The following MECOM variants were observed in gnomAD, a reference collection of about 807,000 sequenced individuals.
MECOM encodes MDS1 and EVI1 complex locus.
In MECOM, 13 loss-of-function variants were observed where a neutral mutation model predicts 116.3. The ratio of observed to expected loss-of-function variants is 0.11; its 90% confidence interval spans 0.07 to 0.18. MECOM has a LOEUF of 0.18. Among genes scored for constraint, MECOM ranks in the 10% least tolerant of loss-of-function variants. MECOM has a pLI of 1.00. For synonymous variants in MECOM, 528 were observed against 535.2 expected (o/e 0.99, Z 0.19); for missense variants, 1,299 against 1,509.0 (o/e 0.86, Z 2.31).
intron 1 of MECOM, among the ~76,000 whole-genome samples, chr3:169,660,342 A>G (rs1776120805): frequency 6.6e-6 from 1 of 152,118 alleles, no homozygotes; most frequent in Non-Finnish European, 1.5e-5. Flanking sequence ...TAACCTTCCC[A>G]AATGATTTAC....
intron 2 of MECOM, among the ~76,000 whole-genome samples, chr3:169,275,073 A>G (rs868804003): frequency 7.9e-5 from 12 of 152,330 alleles, no homozygotes; most frequent in African/African-American, 1.4e-4. Flanking sequence ...TTTCTAGCAG[A>G]GTTCTCATTG....
chr3:169,263,070 C>A, intron 2 of MECOM, among the ~76,000 whole-genome samples: 1 of 77,302 alleles, frequency 1.3e-5, no homozygotes, highest in African/African-American at 4.7e-5. Flanking sequence ...GCCTTTTTTT[C>A]AAGATGCTAT....
At chr3:169,403,193 G>A (rs1467520861) in intron 1 of MECOM, among the ~76,000 whole-genome samples, 2 of 152,144 alleles carry the variant, frequency 1.3e-5, no homozygotes, top group East Asian at 3.9e-4. Flanking sequence ...TGGCTCCCCA[G>A]CCCACAGGTC....
intron 1 of MECOM, among the ~76,000 whole-genome samples, chr3:169,549,626 G>A (rs550943153): frequency 6.6e-6 from 1 of 152,284 alleles, no homozygotes; most frequent in South Asian, 2.1e-4. Flanking sequence ...CTGTGTCCTC[G>A]ATTCTTCATC....
At chr3:169,391,152 T>C (rs985440964) in intron 1 of MECOM, among the ~76,000 whole-genome samples, 15 of 152,160 alleles carry the variant, frequency 9.9e-5, no homozygotes, top group South Asian at 8.3e-4. Flanking sequence ...AAACGGAATA[T>C]GAGCGAGCAA....
rs150006154 is a variant in MECOM at position 169,339,313 on chromosome 3, A to G, written c.375+41874T>C. 6.9e-3 allele frequency among the ~76,000 whole-genome samples: 1,050 copies of G among 152,320 alleles called. 13 individuals carry two copies. Among genetic ancestry groups the G allele is most frequent in the African/African-American group, 0.024 (1,010 of 41,572 alleles). ...TTTAGAAGTGCAAATTCTTGGGCTC[A>G]CCCCAGACTTATTGAATCAGAAACT... On this transcript the variant is annotated intron_variant, in intron 2 of 16. Coordinates refer to ENST00000651503, the MANE Select transcript of MECOM (RefSeq NM_004991.4).
At position 169,112,870 on chromosome 3, in the gene MECOM, C is replaced by T; in HGVS notation, c.2494G>A (p.Glu832Lys). 6.2e-7 allele frequency: 1 copy of T among 1,610,340 alleles called. No individual in the cohort carries two copies. Among genetic ancestry groups the T allele is most frequent in the Non-Finnish European group, 8.5e-7 (1 of 1,177,326 alleles). The change falls in exon 9 of 17, where the codon GAG becomes AAG. Residue 832 changes from glutamate to lysine, a missense_variant. Around this residue, in one of 6 missense-constraint regions of MECOM, gnomAD observed 340 missense variants for 312.6 expected, o/e 1.09. Coordinates refer to ENST00000651503, the MANE Select transcript of MECOM (RefSeq NM_004991.4). ...AGTGGGTCAGTTAGTTTTCTTTTCTCTACTCTGAAAGGTTAAAATTAGATT... is the reference window on the plus strand; with the variant it reads ...AGTGGGTCAGTTAGTTTTCTTTTCTTTACTCTGAAAGGTTAAAATTAGATT... ...PFFMDPIYRV[E>K]KRKLTDPLEA...
chr3:169,279,869 C>T (rs1028354447), intron 2 of MECOM, among the ~76,000 whole-genome samples: 8 of 152,166 alleles, frequency 5.3e-5, no homozygotes, highest in African/African-American at 1.9e-4. Context: ...GTTTCTCTTG[C>T]TTCCCCAAAG....
chr3:169,458,808 G>C (rs1314329274), intron 1 of MECOM, among the ~76,000 whole-genome samples: 1 of 152,164 alleles, frequency 6.6e-6, no homozygotes, highest in Non-Finnish European at 1.5e-5. Context: ...AGAAATAAAG[G>C]GGCAGAGGCC....
At chr3:169,587,474 TAAAC>T (rs1765908265) in intron 1 of MECOM, among the ~76,000 whole-genome samples, 4 of 123,478 alleles carry the variant, frequency 3.2e-5, no homozygotes, top group Admixed American at 3.2e-4. Flanking sequence ...CACACACACA[TAAAC>T]AATCACCTGT....
intron 2 of MECOM, chr3:169,149,815 GTCA>G (rs977824531): frequency 1.5e-4 from 57 of 375,068 alleles, no homozygotes; most frequent in African/African-American, 1.2e-3. Flanking sequence ...CATCATTATC[GTCA>G]TCATCAGTCT....
intron 1 of MECOM, among the ~76,000 whole-genome samples, chr3:169,474,025 A>G (rs1388706143): frequency 6.6e-6 from 1 of 152,168 alleles, no homozygotes; most frequent in Non-Finnish European, 1.5e-5. Flanking sequence ...TCAGTAGCTT[A>G]GGTAGAAATG....
chr3:169,542,734 G>A (rs1341601434), intron 1 of MECOM, among the ~76,000 whole-genome samples: 1 of 152,132 alleles, frequency 6.6e-6, no homozygotes, highest in East Asian at 1.9e-4. Flanking sequence ...AAACAGCCAT[G>A]CCTTTAAAGA....
intron 2 of MECOM, among the ~76,000 whole-genome samples, chr3:169,345,373 G>A (rs897791107): frequency 6.6e-6 from 1 of 152,020 alleles, no homozygotes; most frequent in Non-Finnish European, 1.5e-5. Flanking sequence ...TGGCTCCACA[G>A]GTTTGACCCA....
intron 1 of MECOM, among the ~76,000 whole-genome samples, chr3:169,605,817 A>G (rs1298635765): frequency 1.3e-5 from 2 of 152,210 alleles, no homozygotes; most frequent in Non-Finnish European, 2.9e-5. Flanking sequence ...GAAGCCATGG[A>G]TATCATGTGG....
At chr3:169,120,273 T>A (rs1173602446) in intron 7 of MECOM, among the ~76,000 whole-genome samples, 1 of 152,204 alleles carries the variant, frequency 6.6e-6, no homozygotes, top group East Asian at 1.9e-4. Flanking sequence ...ATAAAATGTT[T>A]GAGCACAATA....
chr3:169,222,590 G>T (rs1016610360), intron 2 of MECOM, among the ~76,000 whole-genome samples: 24 of 152,194 alleles, frequency 1.6e-4, no homozygotes, highest in African/African-American at 5.3e-4. Context: ...GCTGACAGGG[G>T]TCAGTGTGAC....
intron 2 of MECOM, among the ~76,000 whole-genome samples, chr3:169,153,042 T>C (rs1741408708): frequency 6.6e-6 from 1 of 152,182 alleles, no homozygotes; most frequent in Admixed American, 6.5e-5. Context: ...ATTTAAAATA[T>C]TTTTTGCTGG....
At chr3:169,398,268 GCT>G in intron 1 of MECOM, among the ~76,000 whole-genome samples, 1 of 152,216 alleles carries the variant, frequency 6.6e-6, no homozygotes, top group South Asian at 2.1e-4. Context: ...GAACATTAGT[GCT>G]CTCTCTATGG....
Sources: allele counts gnomAD v4.1 joint callset (sites outside exome capture counted in the v4.1 genomes callset), GRCh38; gene constraint gnomAD v4.1.1; regional missense constraint gnomAD v4.1.1; transcripts MANE v1.5; gene names NCBI Gene and HGNC (gene_info 2026-07-23, HGNC 2026-07-21).